Variants in TLK1 observed in about 807,000 individuals in gnomAD.
TLK1 encodes the protein tousled like kinase 1, also known as serine/threonine-protein kinase tousled-like 1.
TLK1 carries 24 observed loss-of-function variants against 105.3 expected under a neutral mutation model. The ratio of observed to expected loss-of-function variants is 0.23; its 90% CI spans 0.17 to 0.32. The LOEUF is 0.32. Among genes scored for constraint, TLK1 ranks in the 10% least tolerant of loss-of-function variants. The pLI is 1.00. For missense variants in TLK1, 558 were observed against 910.5 expected (o/e 0.61, Z 4.98); for synonymous variants, 321 against 310.4 (o/e 1.03, Z -0.36).
chr2:171,044,553 C>T (rs911493681), intron 11 of TLK1, among the ~76,000 whole-genome samples: 9 of 152,030 alleles, frequency 5.9e-5, no homozygotes, highest in African/African-American at 1.2e-4. Flanking sequence ...CAGAAGTATC[C>T]GATACTCAAG....
At chr2:171,044,196 G>A (rs1365175968) in intron 11 of TLK1, among the ~76,000 whole-genome samples, 1 of 152,152 alleles carries the variant, frequency 6.6e-6, no homozygotes, top group African/African-American at 2.4e-5. Flanking sequence ...CCAAGGCAAA[G>A]AGTACAGCTT....
At chr2:171,042,486 A>T (rs576182807) in intron 11 of TLK1, among the ~76,000 whole-genome samples, 2 of 152,086 alleles carry the variant, frequency 1.3e-5, no homozygotes, top group Non-Finnish European at 2.9e-5. Flanking sequence ...GACCTCAGTG[A>T]TCTTTCCACC....
At chr2:171,127,542 T>C (rs912174642) in intron 1 of TLK1, among the ~76,000 whole-genome samples, 1 of 152,182 alleles carries the variant, frequency 6.6e-6, no homozygotes, top group East Asian at 1.9e-4. Context: ...GTTAGTTAAA[T>C]GAGCTATCAC....
At chr2:171,146,947 TA>T (rs376158643) in intron 1 of TLK1, among the ~76,000 whole-genome samples, 25 of 152,330 alleles carry the variant, frequency 1.6e-4, no homozygotes, top group African/African-American at 5.8e-4. Context: ...TACCCAGCTC[TA>T]TAACCTTCTA....
chr2:171,082,103 C>G (rs1030578151), intron 3 of TLK1, among the ~76,000 whole-genome samples: 1 of 151,888 alleles, frequency 6.6e-6, no homozygotes, highest in Non-Finnish European at 1.5e-5. Context: ...GCTATACCCA[C>G]AAGAGTCAAG....
chr2:171,220,790 C>G (rs978442583), intron 1 of TLK1, among the ~76,000 whole-genome samples: 2 of 151,476 alleles, frequency 1.3e-5, no homozygotes, highest in Non-Finnish European at 2.9e-5. Flanking sequence ...GAAGGAGAAA[C>G]CAAGCCTCCT....
Position 171,014,937 on chromosome 2 carries a change from T to C in TLK1, c.1248A>G (p.Glu416=). 6.2e-7 allele frequency: 1 copy of C among 1,613,606 alleles called. No individual in the cohort carries two copies. The highest frequency in any genetic ancestry group is 8.5e-7 in the Non-Finnish European group (1 of 1,179,576). ...CCAAACGTTCAAGTTCTGCCTGGAT[T>C]TCTGCCTCTTCCTGAAAATGAAGAG... The part of the protein sequence containing the change: ...RLGHLKKEEA[E]IQAELERLER... The change falls in exon 13 of 21, where the codon GAA becomes GAG. Residue 416 remains glutamate (E), a synonymous_variant. Coordinates refer to ENST00000431350, the MANE Select transcript of TLK1 (RefSeq NM_012290.5).
intron 1 of TLK1, among the ~76,000 whole-genome samples, chr2:171,135,196 T>G (rs1691256963): frequency 6.6e-6 from 1 of 152,010 alleles, no homozygotes; most frequent in Non-Finnish European, 1.5e-5. Context: ...TGACATGTAT[T>G]TCAAAATAGC....
At chr2:171,224,635 T>C (rs188838997) in intron 1 of TLK1, among the ~76,000 whole-genome samples, 231 of 152,294 alleles carry the variant, frequency 1.5e-3, no homozygotes, top group Admixed American at 5.2e-3. Context: ...CCCAAGTTGA[T>C]CTACAGATTC....
At chr2:171,188,596 C>A (rs1693080330) in intron 1 of TLK1, among the ~76,000 whole-genome samples, 1 of 151,034 alleles carries the variant, frequency 6.6e-6, no homozygotes, top group Non-Finnish European at 1.5e-5. Context: ...TTCCCAGCTA[C>A]TTGGGAGGCT....
chr2:171,159,631 CGAAG>C (rs2105611730), intron 1 of TLK1: 1 of 152,390 alleles, frequency 6.6e-6, no homozygotes, highest in South Asian at 2.1e-4. Flanking sequence ...GAAGCAACGG[CGAAG>C]GAGAGAAAGT....
intron 1 of TLK1, among the ~76,000 whole-genome samples, chr2:171,192,858 G>T (rs1295217176): frequency 1.3e-5 from 2 of 152,126 alleles, no homozygotes; most frequent in South Asian, 2.1e-4. Flanking sequence ...CATAAGAAGG[G>T]TCTTGAACCT....
chr2:171,051,669 TGTTA>T (rs141134714), intron 8 of TLK1, among the ~76,000 whole-genome samples: 19,115 of 152,120 alleles, frequency 0.13, 1,647 homozygotes, highest in African/African-American at 0.24. Context: ...TCTGAAGTAC[TGTTA>T]TTTATGTTCA....
chr2:171,015,041 G>A, intron 12 of TLK1, 93 bp from the exon 13 acceptor site: 1 of 909,926 alleles, frequency 1.1e-6, no homozygotes, highest in Non-Finnish European at 1.8e-6. Flanking sequence ...TACAGTGATG[G>A]GAAGAATAGT....
intron 3 of TLK1, among the ~76,000 whole-genome samples, chr2:171,073,884 T>G (rs202019123): frequency 9.2e-5 from 4 of 43,436 alleles, no homozygotes; most frequent in Non-Finnish European, 2.2e-4. Context: ...CCCCCCCCCC[T>G]CCTTTTTTTT....
chr2:171,035,091 A>T (rs917260490), intron 11 of TLK1, among the ~76,000 whole-genome samples: 16 of 152,138 alleles, frequency 1.1e-4, no homozygotes, highest in African/African-American at 3.6e-4. Context: ...CCGTAATCCC[A>T]GCACTTTGGG....
chr2:171,111,673 T>A (rs866794559), intron 2 of TLK1, among the ~76,000 whole-genome samples: 55 of 151,922 alleles, frequency 3.6e-4, no homozygotes, highest in African/African-American at 1.3e-3. Context: ...TCATGAACAT[T>A]TCCTATCATA....
At chr2:171,088,236 G>A (rs1453166005) in intron 2 of TLK1, among the ~76,000 whole-genome samples, 1 of 152,154 alleles carries the variant, frequency 6.6e-6, no homozygotes, top group Non-Finnish European at 1.5e-5. Flanking sequence ...GGAGGCTAAG[G>A]TAGGAGGATC....
intron 2 of TLK1, among the ~76,000 whole-genome samples, chr2:171,094,774 A>C (rs1339358044): frequency 1.3e-5 from 2 of 151,928 alleles, no homozygotes; most frequent in Non-Finnish European, 2.9e-5. Flanking sequence ...ATGCCTGGCT[A>C]ATTTTGTATT....
Sources: allele counts gnomAD v4.1 joint callset (sites outside exome capture counted in the v4.1 genomes callset), GRCh38; gene constraint gnomAD v4.1.1; transcripts MANE v1.5; gene names NCBI Gene and HGNC (gene_info 2026-07-23, HGNC 2026-07-21).